Variants in TRAK1 observed in about 807,000 individuals in gnomAD.
The protein encoded by TRAK1 is trafficking kinesin-binding protein 1.
In TRAK1, 33 loss-of-function variants were observed where a neutral mutation model predicts 92.1. The ratio of observed to expected loss-of-function variants is 0.36; its 90% CI spans 0.27 to 0.48. The LOEUF is 0.48. TRAK1 is among the 20% of genes least tolerant of loss of function. The pLI is 0.99. For missense variants in TRAK1, 1,123 were observed against 1,257.9 expected (o/e 0.89, Z 1.62); for synonymous variants, 521 against 517.3 (o/e 1.01, Z -0.10).
chr3:42,179,060 C>A (rs1482738698), intron 3 of TRAK1, among the ~76,000 whole-genome samples: 1 of 152,170 alleles, frequency 6.6e-6, no homozygotes, highest in African/African-American at 2.4e-5. Flanking sequence ...TTAAAAAATT[C>A]TCTCACCTTG....
At chr3:42,142,966 A>C (rs911421718) in intron 2 of TRAK1, among the ~76,000 whole-genome samples, 1 of 152,146 alleles carries the variant, frequency 6.6e-6, no homozygotes, top group Non-Finnish European at 1.5e-5. Context: ...GCTTTCTTGA[A>C]ACCTGGTGTT....
intron 2 of TRAK1, among the ~76,000 whole-genome samples, chr3:42,158,961 A>AAATAAT (rs4016239): frequency 0.056 from 7,789 of 140,080 alleles, 284 homozygotes; most frequent in African/African-American, 0.099. Flanking sequence ...TCTGTCTCAA[A>AAATAAT]AATAATAATA....
At chr3:42,173,791 G>A (rs1473294793) in intron 2 of TRAK1, among the ~76,000 whole-genome samples, 1 of 152,080 alleles carries the variant, frequency 6.6e-6, no homozygotes, top group Non-Finnish European at 1.5e-5. Context: ...TAGTCATCGC[G>A]ACTACCCTGC....
intron 14 of TRAK1, chr3:42,211,053 G>C (rs972855555): frequency 2.2e-5 from 22 of 985,462 alleles, no homozygotes; most frequent in Non-Finnish European, 2.7e-5. Flanking sequence ...AGTCAGGGGG[G>C]AGACTGAGAA....
chr3:42,194,372 A>G (rs1344755204), intron 9 of TRAK1, among the ~76,000 whole-genome samples: 1 of 150,378 alleles, frequency 6.6e-6, no homozygotes, highest in Non-Finnish European at 1.5e-5. Context: ...ATCTGGGACT[A>G]CAGGTGTGGG....
chr3:42,124,169 A>G (rs879468769), intron 1 of TRAK1, among the ~76,000 whole-genome samples: 5 of 151,732 alleles, frequency 3.3e-5, no homozygotes, highest in Admixed American at 6.6e-5. Context: ...CCTCAGTAAT[A>G]TTCTTATCTT....
chr3:42,194,940 TG>T lies in TRAK1; in HGVS notation c.1113+1del. 1 of 1,613,524 alleles carries T rather than the reference TG, an allele frequency of 6.2e-7. No individual in the cohort carries two copies. Among genetic ancestry groups the T allele is most frequent in the Non-Finnish European group, 8.5e-7 (1 of 1,179,752 alleles). ...TACCACTCACTGGGCCTGTTTCCCA[TG>T]GTGAGCTGTGCTTTCTTCCCAGCCA... is the stretch of plus-strand genomic sequence containing the variant. ...RRYHSLGLFP[M>X]DSLAAEIEGT... On this transcript the variant is annotated frameshift_variant and splice_region_variant, in exon 10 of 16. Coordinates refer to ENST00000327628, the MANE Select transcript of TRAK1 (RefSeq NM_001042646.3). LOFTEE classifies it high-confidence loss of function.
At chr3:42,021,295 T>C (rs1701713272) in intron 1 of TRAK1, among the ~76,000 whole-genome samples, 1 of 152,214 alleles carries the variant, frequency 6.6e-6, no homozygotes, top group African/African-American at 2.4e-5. Context: ...TTTCAACCTT[T>C]GCATCTAGAA....
intron 2 of TRAK1, among the ~76,000 whole-genome samples, chr3:42,168,580 A>G (rs1176369281): frequency 1.3e-5 from 2 of 151,874 alleles, no homozygotes; most frequent in Admixed American, 1.3e-4. Flanking sequence ...GGCAACCACT[A>G]ATCTGCTTTC....
At chr3:42,218,648 C>T (rs186526360) in intron 14 of TRAK1, 1 of 985,342 alleles carries the variant, frequency 1.0e-6, no homozygotes, top group East Asian at 1.1e-4. Flanking sequence ...CTAACACTTC[C>T]ATGATTTAAT....
At chr3:42,160,852 T>C (rs1324493837) in intron 2 of TRAK1, among the ~76,000 whole-genome samples, 1 of 152,230 alleles carries the variant, frequency 6.6e-6, no homozygotes, top group East Asian at 1.9e-4. Context: ...AAATTCATCC[T>C]TGTTGTTGCT....
At chr3:42,021,233 T>C (rs1576093456) in intron 1 of TRAK1, among the ~76,000 whole-genome samples, 1 of 152,212 alleles carries the variant, frequency 6.6e-6, no homozygotes, top group East Asian at 1.9e-4. Context: ...ATTGGTTTAC[T>C]GGCTTTCTTA....
chr3:42,215,249 A>G (rs1040286887), intron 14 of TRAK1, among the ~76,000 whole-genome samples: 3 of 152,144 alleles, frequency 2.0e-5, no homozygotes, highest in Non-Finnish European at 4.4e-5. Context: ...CTTCTTCCCT[A>G]TCTGTTTAAT....
rs1392181467 is a variant in TRAK1 at position 42,225,821 on chromosome 3, GA to G, written c.*2085del. On this transcript the variant is annotated 3_prime_UTR_variant, in exon 16 of 16. Transcript: ENST00000327628. ...TTTGTTTTTATCTTTTCATCAAGGA[GA>G]CGATCTCTTTATGTAAGACTTGAAA... The G allele has an allele frequency of 1.3e-5, 2 of 152,296 alleles. No homozygotes were observed. Among genetic ancestry groups the G allele is most frequent in the Admixed American group, 1.3e-4 (2 of 15,306 alleles). The allele number at this position is 152,296 out of a possible 1,614,324, so 9.4% of individuals were successfully genotyped here. A position where few individuals can be genotyped will look rare whatever the true frequency, so the allele number is the denominator to read the frequency against.
chr3:42,018,286 G>T (rs918321898), intron 1 of TRAK1, among the ~76,000 whole-genome samples: 2 of 150,732 alleles, frequency 1.3e-5, no homozygotes, highest in African/African-American at 2.4e-5. Context: ...AAAAAATATT[G>T]CTGTCTGAGT....
rs567789964 is a variant in TRAK1, at chr3:42,203,345, G to T, written c.1744+593G>T. On this transcript the variant is annotated intron_variant, in intron 13 of 15. Coordinates refer to ENST00000327628, the MANE Select transcript of TRAK1 (RefSeq NM_001042646.3). ...GAGTCTACAATTTGGAGTCCAGGAAGGGGTGGCTGTGGAGACAAGTGAGTT... is the reference window on the plus strand; with the variant it reads ...GAGTCTACAATTTGGAGTCCAGGAATGGGTGGCTGTGGAGACAAGTGAGTT... The T allele has an allele frequency of 1.1e-4, 111 of 987,208 alleles. No individual in the cohort carries two copies. The African/African-American group carries it at 1.9e-3, about 17-fold the overall frequency. 61.2% of individuals were successfully genotyped at this position (987,208 alleles called of 1,614,324 possible). A position where few individuals can be genotyped will look rare whatever the true frequency, so the allele number is the denominator to read the frequency against.
Position 42,091,419 on chromosome 3 carries a change from C to A in TRAK1, c.-51C>A. The stretch of plus-strand genomic sequence containing the variant: ...CGAGGTACTGCCGGGGCTGAGCTCT[C>A]ATGGAGGCTCTCTCTGTTCTCTGAA... On this transcript the variant is annotated 5_prime_UTR_variant, in exon 1 of 16. Transcript: ENST00000327628. 6.4e-7 allele frequency: 1 copy of A among 1,567,410 alleles called. No individual in the cohort carries two copies. Among genetic ancestry groups the A allele is most frequent in the Non-Finnish European group, 8.8e-7 (1 of 1,142,498 alleles).
At chr3:42,089,154 T>C (rs1266302683), upstream of TRAK1, among the ~76,000 whole-genome samples, 2 of 152,254 alleles carry the variant, frequency 1.3e-5, no homozygotes, top group Non-Finnish European at 2.9e-5. Context: ...TTCATTATTC[T>C]AGTTGCTCAG....
chr3:42,094,932 TG>T (rs1022816087), intron 1 of TRAK1, among the ~76,000 whole-genome samples: 1 of 152,128 alleles, frequency 6.6e-6, no homozygotes, highest in Non-Finnish European at 1.5e-5. Flanking sequence ...CTGAAGACCC[TG>T]GGGGTGGGTC....
Sources: gnomAD v4.1 joint callset for allele counts (sites outside exome capture counted in the v4.1 genomes callset) on GRCh38, gnomAD v4.1.1 for gene constraint, MANE v1.5 for transcripts, NCBI Gene and HGNC (gene_info 2026-07-23, HGNC 2026-07-21) for gene names.